Variants in KCNT2 observed in about 807,000 individuals in gnomAD.
KCNT2 encodes the protein potassium sodium-activated channel subfamily T member 2, also known as potassium channel subfamily T member 2.
KCNT2 carries 67 observed loss-of-function variants against 153.8 expected under a neutral mutation model. That is an observed-to-expected ratio of 0.44 (90% CI 0.36 to 0.53). The LOEUF (loss-of-function observed/expected upper bound fraction) is 0.53. KCNT2 is among the 20% of genes least tolerant of loss of function. KCNT2 has a pLI of 0.00. For synonymous variants in KCNT2, 500 were observed against 458.8 expected (o/e 1.09, Z -1.15); for missense variants, 975 against 1,354.8 (o/e 0.72, Z 4.40).
At chr1:196,280,766 C>T in intron 25 of KCNT2, 94 bp downstream of exon 25, 1 of 1,219,360 alleles carries the variant, frequency 8.2e-7, no homozygotes, top group Admixed American at 2.1e-5. Flanking sequence ...TTTTCACTTT[C>T]TCTTGCATTT....
At chr1:196,539,026 T>C (rs946749468) in intron 1 of KCNT2, among the ~76,000 whole-genome samples, 2 of 152,208 alleles carry the variant, frequency 1.3e-5, no homozygotes, top group Non-Finnish European at 1.5e-5. Flanking sequence ...ATATTTTGTC[T>C]AAACAATGGC....
At chr1:196,353,782 G>A (rs868525035) in intron 14 of KCNT2, among the ~76,000 whole-genome samples, 7 of 151,898 alleles carry the variant, frequency 4.6e-5, no homozygotes, top group Middle Eastern at 6.8e-3. Context: ...TGTTTTTTGC[G>A]GAAATGTATT....
chr1:196,491,599 T>C (rs1238162713), intron 2 of KCNT2, among the ~76,000 whole-genome samples: 1 of 152,012 alleles, frequency 6.6e-6, no homozygotes, highest in Non-Finnish European at 1.5e-5. Context: ...TATGGCATTG[T>C]GGGAAGCAAC....
chr1:196,605,076 A>G (rs1355010950), intron 1 of KCNT2, among the ~76,000 whole-genome samples: 1 of 152,230 alleles, frequency 6.6e-6, no homozygotes, highest in Non-Finnish European at 1.5e-5. Flanking sequence ...CCAGTCAACT[A>G]TGACCTAAGA....
At chr1:196,363,961 AAATC>A (rs1667833497) in intron 14 of KCNT2, among the ~76,000 whole-genome samples, 1 of 152,156 alleles carries the variant, frequency 6.6e-6, no homozygotes, top group African/African-American at 2.4e-5. Context: ...TATACATTGA[AAATC>A]ATGAGTTTAT....
chr1:196,522,150 T>C (rs1019802761), intron 1 of KCNT2, among the ~76,000 whole-genome samples: 2 of 152,216 alleles, frequency 1.3e-5, no homozygotes, highest in African/African-American at 2.4e-5. Flanking sequence ...GGAAACTCCA[T>C]TCCAAACCTG....
rs866108343 is a variant in KCNT2, at chr1:196,298,053, T to C, written c.2595+7181A>G. 1.1e-4 allele frequency among the ~76,000 whole-genome samples: 17 copies of C among 152,322 alleles called. No individual in the cohort carries two copies. In the South Asian group the frequency reaches 2.7e-3, roughly 24 times the overall value. ...TTGAAAAAATGACATTTTTACCATATTTCTCCCAGAAGATATCTCCAATCA... is the reference window on the plus strand; with the variant it reads ...TTGAAAAAATGACATTTTTACCATACTTCTCCCAGAAGATATCTCCAATCA... On this transcript the variant is annotated intron_variant, in intron 22 of 27. Coordinates refer to ENST00000294725, the MANE Select transcript of KCNT2 (RefSeq NM_198503.5).
chr1:196,231,090 G>A (rs1214843224), intron 27 of KCNT2, among the ~76,000 whole-genome samples: 1 of 151,678 alleles, frequency 6.6e-6, no homozygotes, highest in Non-Finnish European at 1.5e-5. Context: ...TCTGTCAGCA[G>A]CCATCAACAT....
intron 22 of KCNT2, among the ~76,000 whole-genome samples, chr1:196,298,097 G>T (rs182433525): frequency 1.4e-4 from 21 of 152,124 alleles, no homozygotes; most frequent in Non-Finnish European, 2.4e-4. Flanking sequence ...AATTCTTATC[G>T]TTTTGTTCTA....
At chr1:196,338,948 C>CAAAA (rs976388530) in intron 16 of KCNT2, among the ~76,000 whole-genome samples, 6 of 37,718 alleles carry the variant, frequency 1.6e-4, no homozygotes, top group African/African-American at 3.0e-4. Flanking sequence ...TGCTTTTTAG[C>CAAAA]AAAAAAAAAA....
At chr1:196,335,359 GGCTATATGGTATAGCCTACT>G (rs1393044306) in intron 16 of KCNT2, among the ~76,000 whole-genome samples, 2 of 152,056 alleles carry the variant, frequency 1.3e-5, no homozygotes, top group Non-Finnish European at 1.5e-5. Context: ...ATGGTACATA[GGCTATATGGTATAGCCTACT>G]GCTATATGGT....
At chr1:196,510,587 T>C (rs1681534199) in intron 1 of KCNT2, among the ~76,000 whole-genome samples, 1 of 152,180 alleles carries the variant, frequency 6.6e-6, no homozygotes, top group Admixed American at 6.6e-5. Context: ...GAAACAATGG[T>C]TAACAATTTA....
chr1:196,509,869 T>C (rs1248531946), intron 1 of KCNT2, among the ~76,000 whole-genome samples: 2 of 152,160 alleles, frequency 1.3e-5, no homozygotes, highest in African/African-American at 4.8e-5. Flanking sequence ...CAATTGTAAA[T>C]GTATTTATTA....
intron 21 of KCNT2, among the ~76,000 whole-genome samples, chr1:196,313,225 T>C (rs1370952191): frequency 6.6e-6 from 1 of 151,592 alleles, no homozygotes; most frequent in Non-Finnish European, 1.5e-5. Context: ...CAAAGGACTA[T>C]TAAGAGTTGA....
At chr1:196,588,099 G>C (rs1662906548) in intron 1 of KCNT2, among the ~76,000 whole-genome samples, 1 of 151,950 alleles carries the variant, frequency 6.6e-6, no homozygotes, top group African/African-American at 2.4e-5. Flanking sequence ...TTGTTAACCT[G>C]AACTGCTATT....
chr1:196,427,916 T>C (rs1191834338), intron 10 of KCNT2, among the ~76,000 whole-genome samples, 189 bp downstream of exon 10: 1 of 152,110 alleles, frequency 6.6e-6, no homozygotes, highest in Non-Finnish European at 1.5e-5. Flanking sequence ...AAACTTAAAA[T>C]ACTGAGTATT....
chr1:196,235,554 A>G (rs1470723339), intron 27 of KCNT2, among the ~76,000 whole-genome samples: 3 of 151,312 alleles, frequency 2.0e-5, no homozygotes, highest in Non-Finnish European at 4.4e-5. Context: ...ACCACTGTAC[A>G]TGTTCAATAA....
chr1:196,577,218 A>G (rs1200407552), intron 1 of KCNT2, among the ~76,000 whole-genome samples: 1 of 152,056 alleles, frequency 6.6e-6, no homozygotes, highest in Non-Finnish European at 1.5e-5. Flanking sequence ...CACTCCCAAA[A>G]CAACAACAAC....
At chr1:196,295,435 A>G (rs1378815273) in intron 22 of KCNT2, among the ~76,000 whole-genome samples, 1 of 151,908 alleles carries the variant, frequency 6.6e-6, no homozygotes, top group Admixed American at 6.6e-5. Flanking sequence ...AAAAACAGGC[A>G]AAGTCAACAT....
Sources: allele counts gnomAD v4.1 joint callset (sites outside exome capture counted in the v4.1 genomes callset), GRCh38; gene constraint gnomAD v4.1.1; transcripts MANE v1.5; gene names NCBI Gene and HGNC (gene_info 2026-07-23, HGNC 2026-07-21).